NKAIN2: variants seen among roughly 807,000 people sequenced by gnomAD.
NKAIN2 encodes sodium/potassium-transporting ATPase subunit beta-1-interacting protein 2.
A neutral mutation model predicts 32.6 loss-of-function variants in NKAIN2; 14 were observed. The ratio of observed to expected loss-of-function variants is 0.43; its 90% CI spans 0.28 to 0.67. NKAIN2 has a LOEUF of 0.67. Ranked by LOEUF, NKAIN2 falls within the 30% of genes least tolerant of loss-of-function variation. The pLI is 0.17. For missense variants in NKAIN2, 198 were observed against 258.3 expected, an observed-to-expected ratio of 0.77 and a Z score of 1.60; for synonymous variants, 80 against 87.2, an observed-to-expected ratio of 0.92 and a Z score of 0.46.
intron 1 of NKAIN2, among the ~76,000 whole-genome samples, chr6:124,073,510 G>A (rs954346475): frequency 6.6e-5 from 10 of 152,148 alleles, no homozygotes; most frequent in African/African-American, 2.4e-4. Context: ...GTGACTCTAT[G>A]TGAGAGTTCT....
At chr6:124,714,438 T>G (rs868610616) in intron 4 of NKAIN2, among the ~76,000 whole-genome samples, 1 of 152,218 alleles carries the variant, frequency 6.6e-6, no homozygotes, top group African/African-American at 2.4e-5. Context: ...TACAATCCAC[T>G]TCATGCTTGG....
intron 1 of NKAIN2, among the ~76,000 whole-genome samples, chr6:123,809,251 A>AT (rs896043123): frequency 6.6e-6 from 1 of 151,662 alleles, no homozygotes; most frequent in Non-Finnish European, 1.5e-5. Context: ...GATTTTTGTT[A>AT]TTTTTTTCCC....
chr6:123,903,391 G>A (rs909928391), intron 1 of NKAIN2, among the ~76,000 whole-genome samples: 2 of 152,138 alleles, frequency 1.3e-5, no homozygotes, highest in African/African-American at 4.8e-5. Context: ...CTGAAGTAAT[G>A]CTAGATATTA....
intron 3 of NKAIN2, among the ~76,000 whole-genome samples, chr6:124,541,365 C>T (rs1393518028): frequency 1.3e-5 from 2 of 152,054 alleles, no homozygotes; most frequent in Non-Finnish European, 2.9e-5. Context: ...CTCCAGTTTC[C>T]CCATTCATAC....
chr6:124,289,091 C>G (rs898573211), intron 2 of NKAIN2, among the ~76,000 whole-genome samples: 1 of 152,066 alleles, frequency 6.6e-6, no homozygotes. Context: ...TTCTTGTGTT[C>G]TAAGAATTGT....
chr6:124,094,673 G>T (rs971194278), intron 1 of NKAIN2, among the ~76,000 whole-genome samples: 1 of 152,012 alleles, frequency 6.6e-6, no homozygotes. Flanking sequence ...CAGTTTTTCA[G>T]GTGCGGATCC....
chr6:124,229,501 C>CAGACAGATAGATAGATAGAT (rs1554269615), intron 1 of NKAIN2, among the ~76,000 whole-genome samples: 2 of 142,872 alleles, frequency 1.4e-5, no homozygotes, highest in Admixed American at 7.1e-5. Context: ...GATAGATAGA[C>CAGACAGATAGATAGATAGAT]AGATAGATAG....
intron 3 of NKAIN2, among the ~76,000 whole-genome samples, chr6:124,631,702 C>A (rs1357510016): frequency 6.6e-6 from 1 of 152,026 alleles, no homozygotes; most frequent in African/African-American, 2.4e-5. Flanking sequence ...CAGGAGTTAA[C>A]TATAAAGGAG....
chr6:124,539,215 GTAGT>G (rs1779823510), intron 3 of NKAIN2, among the ~76,000 whole-genome samples: 1 of 147,352 alleles, frequency 6.8e-6, no homozygotes, highest in Non-Finnish European at 1.5e-5. Context: ...GAGGTTATAT[GTAGT>G]TCACTACTAC....
At chr6:124,270,238 G>C (rs531118070) in intron 1 of NKAIN2, among the ~76,000 whole-genome samples, 1 of 152,172 alleles carries the variant, frequency 6.6e-6, no homozygotes, top group Non-Finnish European at 1.5e-5. Flanking sequence ...GTGGAGGGCA[G>C]CTAAAACGGA....
At chr6:124,472,023 G>A (rs1300981836) in intron 3 of NKAIN2, among the ~76,000 whole-genome samples, 1 of 149,318 alleles carries the variant, frequency 6.7e-6, no homozygotes, top group Non-Finnish European at 1.5e-5. Flanking sequence ...CAACAACAAG[G>A]ATCCCCAATT....
chr6:124,483,882 T>C (rs2114706602), intron 3 of NKAIN2, among the ~76,000 whole-genome samples: 1 of 152,286 alleles, frequency 6.6e-6, no homozygotes, highest in East Asian at 1.9e-4. Context: ...CCAATCGCTA[T>C]GATAAGAAGA....
rs139793088 is a variant in NKAIN2 at position 124,169,747 on chromosome 6, A to T, written c.55-113258A>T. Among the ~76,000 whole-genome samples the T allele has an allele frequency of 7.2e-5, 11 of 152,170 alleles. No individual in the cohort carries two copies. In the East Asian group the frequency reaches 1.9e-3, roughly 27 times the overall value. ...TTATCTCCATGCACTTAGGATGGAA[A>T]TCTTCTTAGGTGGAAAATCTTACCT... is the stretch of plus-strand genomic sequence containing the variant. On this transcript the variant is annotated intron_variant, in intron 1 of 6. Transcript: ENST00000368417.
chr6:124,119,029 T>A (rs1191141617), intron 1 of NKAIN2, among the ~76,000 whole-genome samples: 2 of 152,150 alleles, frequency 1.3e-5, no homozygotes, highest in Non-Finnish European at 2.9e-5. Flanking sequence ...AGTCTGTAAC[T>A]TCTCAGAGCA....
rs538618066 is a variant in NKAIN2, at chr6:124,577,311, A to G, written c.274-80875A>G. Among the ~76,000 whole-genome samples the G allele has an allele frequency of 7.9e-5, 12 of 152,258 alleles. 1 individual carries two copies. In the South Asian group the frequency reaches 2.5e-3, roughly 32 times the overall value. ...TGAAAAAGGCAAGGAAGAGGAAAGG[A>G]AAGACAGTCTTGAATTGCTGTCACC... On this transcript the variant is annotated intron_variant, in intron 3 of 6. Coordinates refer to ENST00000368417, the MANE Select transcript of NKAIN2 (RefSeq NM_001040214.3).
At chr6:124,423,956 T>A (rs987708643) in intron 3 of NKAIN2, among the ~76,000 whole-genome samples, 1 of 152,224 alleles carries the variant, frequency 6.6e-6, no homozygotes, top group South Asian at 2.1e-4. Flanking sequence ...TAAGGCAGTA[T>A]GTAATACATA....
intron 3 of NKAIN2, among the ~76,000 whole-genome samples, chr6:124,458,711 A>G (rs748925337): frequency 6.6e-6 from 1 of 151,882 alleles, no homozygotes; most frequent in Non-Finnish European, 1.5e-5. Context: ...ATCTTCTAAT[A>G]CTATATCTAG....
intron 3 of NKAIN2, among the ~76,000 whole-genome samples, chr6:124,641,177 G>A (rs959243006): frequency 2.6e-5 from 4 of 152,204 alleles, no homozygotes; most frequent in Non-Finnish European, 4.4e-5. Context: ...AAGCTGTTGA[G>A]AAGGGGTAAC....
At chr6:123,824,723 T>G (rs1243225664) in intron 1 of NKAIN2, among the ~76,000 whole-genome samples, 1 of 141,508 alleles carries the variant, frequency 7.1e-6, no homozygotes, top group Non-Finnish European at 1.5e-5. Flanking sequence ...ATCCCAGAAC[T>G]TAAAATTAAA....
Sources: allele counts gnomAD v4.1 joint callset (sites outside exome capture counted in the v4.1 genomes callset), GRCh38; gene constraint gnomAD v4.1.1; transcripts MANE v1.5; gene names NCBI Gene and HGNC (gene_info 2026-07-23, HGNC 2026-07-21).